The following RBFOX1 variants were observed in gnomAD, a reference collection of about 807,000 sequenced individuals.
The protein encoded by RBFOX1 is RNA binding protein fox-1 homolog 1.
Under a neutral mutation model 57.7 loss-of-function variants are expected in RBFOX1, and 8 were observed. The observed-to-expected ratio is 0.14, with a 90% CI of 0.08 to 0.25. RBFOX1 has a LOEUF of 0.25. Among genes scored for constraint, RBFOX1 ranks in the 10% least tolerant of loss-of-function variants. The pLI is 1.00. For missense variants in RBFOX1, 611 were observed against 548.5 expected, an observed-to-expected ratio of 1.11 and a Z score of -1.14; for synonymous variants, 326 against 222.4, an observed-to-expected ratio of 1.47 and a Z score of -4.15.
chr16:5,604,440 G>C (rs2047488614), downstream of RBFOX1, among the ~76,000 whole-genome samples: 1 of 152,130 alleles, frequency 6.6e-6, no homozygotes, highest in Non-Finnish European at 1.5e-5. Flanking sequence ...TAAGATGCAG[G>C]CCCTCAGACC....
intron 15 of RBFOX1, chr16:7,709,929 C>G: frequency 9.6e-7 from 1 of 1,036,292 alleles, no homozygotes; most frequent in Non-Finnish European, 1.2e-6. Flanking sequence ...GAATATCAGT[C>G]CTTACCCTAA....
chr16:7,281,566 A>G lies in RBFOX1; in HGVS notation c.27+229468A>G, dbSNP rs867014742. Reference sequence around the variant, plus strand: ...AGTGTTAACTACTATTCTTATTAGCATTGTCTGGGCACAATATCTGGTGTT... The same window carrying G: ...AGTGTTAACTACTATTCTTATTAGCGTTGTCTGGGCACAATATCTGGTGTT... On this transcript the variant is annotated intron_variant, in intron 4 of 15. Transcript: ENST00000550418. Among the ~76,000 whole-genome samples the G allele has an allele frequency of 5.9e-5, 9 of 152,212 alleles. No homozygotes were observed. In the South Asian group the frequency reaches 8.3e-4, roughly 14 times the overall value.
chr16:7,504,787 T>TATTTATA (rs1555526513), intron 4 of RBFOX1, among the ~76,000 whole-genome samples: 4 of 9,370 alleles, frequency 4.3e-4, no homozygotes, highest in African/African-American at 1.5e-3. Context: ...ATATATATAT[T>TATTTATA]TATATATATA....
intron 2 of RBFOX1, among the ~76,000 whole-genome samples, chr16:6,397,256 G>A (rs2092877882): frequency 6.6e-6 from 1 of 152,132 alleles, no homozygotes; most frequent in Admixed American, 6.5e-5. Flanking sequence ...TAGTCACAGT[G>A]ATGAAAATAA....
chr16:5,442,263 C>T (rs2068106929), intron 1 of RBFOX1, among the ~76,000 whole-genome samples: 1 of 152,210 alleles, frequency 6.6e-6, no homozygotes, highest in Admixed American at 6.5e-5. Flanking sequence ...AGTAGTACTG[C>T]ACAGGGATGT....
At chr16:7,582,330 C>CT (rs962662506) in intron 6 of RBFOX1, among the ~76,000 whole-genome samples, 1 of 152,086 alleles carries the variant, frequency 6.6e-6, no homozygotes, top group Non-Finnish European at 1.5e-5. Flanking sequence ...ATCTGTGTCC[C>CT]TTTTTTTAAA....
chr16:6,276,919 C>G (rs888297013), intron 1 of RBFOX1, among the ~76,000 whole-genome samples: 1 of 151,906 alleles, frequency 6.6e-6, no homozygotes, highest in African/African-American at 2.4e-5. Context: ...GTACTTAGAT[C>G]AGCGCTTGCC....
chr16:7,365,490 C>G (rs996762895), intron 4 of RBFOX1, among the ~76,000 whole-genome samples: 3 of 151,964 alleles, frequency 2.0e-5, no homozygotes, highest in Admixed American at 6.5e-5. Flanking sequence ...TGATTTTTTT[C>G]CCCCCCACAG....
At chr16:6,774,095 A>G (rs1415393844) in intron 3 of RBFOX1, 1 of 784,504 alleles carries the variant, frequency 1.3e-6, no homozygotes, top group Non-Finnish European at 1.5e-6. Context: ...TAAATTACCA[A>G]GAATTGGACT....
chr16:6,854,997 A>C (rs1419808686), intron 3 of RBFOX1, among the ~76,000 whole-genome samples: 4 of 151,646 alleles, frequency 2.6e-5, no homozygotes, highest in Non-Finnish European at 5.9e-5. Context: ...TTGGTGGCAA[A>C]GGAGTCAGTG....
chr16:6,996,002 C>T (rs552957884), intron 3 of RBFOX1, among the ~76,000 whole-genome samples: 1 of 152,302 alleles, frequency 6.6e-6, no homozygotes, highest in South Asian at 2.1e-4. Flanking sequence ...ATATTTATAG[C>T]ATACAAATCT....
At chr16:6,774,649 G>C (rs974044883) in intron 3 of RBFOX1, among the ~76,000 whole-genome samples, 2 of 152,012 alleles carry the variant, frequency 1.3e-5, no homozygotes, top group African/African-American at 2.4e-5. Flanking sequence ...ATATATGTCA[G>C]GAATATATAG....
intron 4 of RBFOX1, among the ~76,000 whole-genome samples, chr16:7,508,551 A>G (rs1264027397): frequency 6.6e-6 from 1 of 152,142 alleles, no homozygotes; most frequent in East Asian, 1.9e-4. Context: ...AGAAACTGAA[A>G]GGGCTGCTTG....
chr16:6,252,350 A>C (rs762137492), intron 1 of RBFOX1, among the ~76,000 whole-genome samples: 8 of 152,188 alleles, frequency 5.3e-5, no homozygotes, highest in Non-Finnish European at 8.8e-5. Flanking sequence ...TGGAACCTGC[A>C]TCAGACCTTA....
At chr16:6,510,110 C>T (rs759524630) in intron 2 of RBFOX1, among the ~76,000 whole-genome samples, 1 of 152,156 alleles carries the variant, frequency 6.6e-6, no homozygotes, top group Non-Finnish European at 1.5e-5. Context: ...CTGTAACTTC[C>T]TCTATCCTGA....
chr16:7,250,633 A>C (rs1046604926), intron 4 of RBFOX1, among the ~76,000 whole-genome samples: 1 of 152,220 alleles, frequency 6.6e-6, no homozygotes, highest in African/African-American at 2.4e-5. Flanking sequence ...ACACTGAGCA[A>C]GCATTTAGAG....
At chr16:6,703,204 T>G (rs2062125487) in intron 3 of RBFOX1, among the ~76,000 whole-genome samples, 1 of 152,246 alleles carries the variant, frequency 6.6e-6, no homozygotes, top group African/African-American at 2.4e-5. Flanking sequence ...TTCCACCTGT[T>G]GGCTACTGTA....
At chr16:5,640,738 A>G (rs532727393) in intron 3 of RBFOX1, among the ~76,000 whole-genome samples, 1 of 151,138 alleles carries the variant, frequency 6.6e-6, no homozygotes, top group South Asian at 2.1e-4. Flanking sequence ...AAACCCATGC[A>G]CATACACACA....
intron 1 of RBFOX1, among the ~76,000 whole-genome samples, chr16:5,434,383 A>G (rs867872682): frequency 2.3e-5 from 3 of 129,362 alleles, no homozygotes; most frequent in Middle Eastern, 4.5e-3. Context: ...GTGCAGTGGC[A>G]TGATCTTGAC....
Sources: allele counts gnomAD v4.1 joint callset (sites outside exome capture counted in the v4.1 genomes callset), GRCh38; gene constraint gnomAD v4.1.1; transcripts MANE v1.5; gene names NCBI Gene and HGNC (gene_info 2026-07-23, HGNC 2026-07-21).